The following PTPRO variants were observed in gnomAD, a reference collection of about 807,000 sequenced individuals.
PTPRO encodes receptor-type tyrosine-protein phosphatase O.
PTPRO carries 62 observed loss-of-function variants against 145.2 expected under a neutral mutation model. The ratio of observed to expected loss-of-function variants is 0.43; its 90% CI spans 0.35 to 0.53. The LOEUF (loss-of-function observed/expected upper bound fraction) is 0.53, where lower values mean the gene tolerates loss of function less well. Among genes scored for constraint, PTPRO ranks in the 20% least tolerant of loss-of-function variants. The pLI is 0.01. For synonymous variants in PTPRO, 565 were observed against 514.7 expected, an observed-to-expected ratio of 1.10 and a Z score of -1.32; for missense variants, 1,345 against 1,482.7, an observed-to-expected ratio of 0.91 and a Z score of 1.53.
At position 15,520,296 on chromosome 12, in the gene PTPRO, C is replaced by A; in HGVS notation, c.1875C>A (p.Thr625=). Residue 625 remains threonine (T), a synonymous_variant, in exon 10 of 27, where the codon ACC becomes ACA. Transcript: ENST00000281171. ...AATTGAGCTGCTGTGACAGCTCTACCATCAGCTTCATAACAGGTGAGGCAT... is the reference window on the plus strand; with the variant it reads ...AATTGAGCTGCTGTGACAGCTCTACAATCAGCTTCATAACAGGTGAGGCAT... The part of the protein sequence containing the change: ...DPELSCCDSS[T]ISFITAPVAP... The A allele has an allele frequency of 6.2e-7, 1 of 1,611,272 alleles. No individual in the cohort carries two copies. The highest frequency in any genetic ancestry group is 1.1e-5 in the South Asian group (1 of 90,998).
chr12:15,537,519 G>A lies in PTPRO; in HGVS notation c.2165-9050G>A, dbSNP rs146798952. Reference sequence around the variant, plus strand: ...AACCTGTGAACAAATCTGGTAAGATGAGGAATGAGAATTGACCACTGATCT... The same window carrying A: ...AACCTGTGAACAAATCTGGTAAGATAAGGAATGAGAATTGACCACTGATCT... On this transcript the variant is annotated intron_variant, in intron 12 of 26. Coordinates refer to ENST00000281171, the MANE Select transcript of PTPRO (RefSeq NM_030667.3). Among the ~76,000 whole-genome samples the A allele has an allele frequency of 2.0e-5, 3 of 152,282 alleles. No homozygotes were observed. The East Asian group carries it at 5.8e-4, about 29-fold the overall frequency.
At chr12:15,554,205 G>A (rs1354744199) in intron 15 of PTPRO, among the ~76,000 whole-genome samples, 1 of 152,050 alleles carries the variant, frequency 6.6e-6, no homozygotes, top group Non-Finnish European at 1.5e-5. Flanking sequence ...AAAGAGAGTT[G>A]AGGCTAACTC....
chr12:15,481,256 C>T (rs1340006293), intron 1 of PTPRO, among the ~76,000 whole-genome samples: 1 of 152,206 alleles, frequency 6.6e-6, no homozygotes, highest in Non-Finnish European at 1.5e-5. Flanking sequence ...CCCAGAAGTA[C>T]ATTGCTCAAT....
Position 15,520,240 on chromosome 12 carries a change from C to T in PTPRO, c.1819C>T (p.Arg607Trp), listed in dbSNP as rs751644240. ...NLLPAWYYNFRVTMVTWGDPE... is the reference protein window; with the variant it reads ...NLLPAWYYNFWVTMVTWGDPE... ...GCTGCCAGCATGGTACTACAACTTC[C>T]GGGTTACCATGGTGACGTGGGGAGA... Residue 607 changes from arginine (R) to tryptophan (W), a missense_variant, in exon 10 of 27, where the codon CGG becomes TGG. Transcript: ENST00000281171. 6 of 1,613,724 alleles carry T rather than the reference C, an allele frequency of 3.7e-6. No individual in the cohort carries two copies. Among genetic ancestry groups the T allele is most frequent in the African/African-American group, 1.3e-5 (1 of 74,892 alleles).
chr12:15,396,027 T>C lies in PTPRO; in HGVS notation c.75+73226T>C, dbSNP rs548654646. On this transcript the variant is annotated intron_variant, in intron 1 of 26. Transcript: ENST00000281171. ...ATGCATTTACCACTGTGAACACAGA[T>C]CACCAGTGTGCACAAGCATACATCT... 1.5e-4 allele frequency among the ~76,000 whole-genome samples: 23 copies of C among 152,356 alleles called. No individual in the cohort carries two copies. The South Asian group carries it at 4.8e-3, about 32-fold the overall frequency.
intron 1 of PTPRO, among the ~76,000 whole-genome samples, chr12:15,448,996 AAGTT>A (rs34799384): frequency 0.29 from 43,651 of 151,870 alleles, 6,797 homozygotes; most frequent in South Asian, 0.43. Context: ...ATAAAAGAAA[AAGTT>A]AGGCAGAATT....
Position 15,516,750 on chromosome 12 carries a change from C to T in PTPRO, c.1586-13C>T, listed in dbSNP as rs1199075535. The stretch of plus-strand genomic sequence containing the variant: ...TAACTTTCTTTTTCTACCCCCTGCC[C>T]TCTTCTTTCTAGTTCCCACAGGAAT... On this transcript the variant is annotated splice_polypyrimidine_tract_variant and intron_variant, in intron 8 of 26. Transcript: ENST00000281171. 5 of 1,590,634 alleles carry T rather than the reference C, an allele frequency of 3.1e-6. No homozygotes were observed. In the South Asian group the frequency reaches 3.3e-5, roughly 11 times the overall value.
intron 23 of PTPRO, among the ~76,000 whole-genome samples, chr12:15,582,463 G>C (rs903103217): frequency 6.6e-6 from 1 of 152,216 alleles, no homozygotes; most frequent in African/African-American, 2.4e-5. Context: ...CATTTCATCA[G>C]TGATGGTGTG....
At position 15,520,279 on chromosome 12, in the gene PTPRO, T is replaced by G; in HGVS notation, c.1858T>G (p.Cys620Gly). ...GACGTGGGGAGATCCAGAATTGAGC[T>G]GCTGTGACAGCTCTACCATCAGCTT... ...MVTWGDPELS[C>G]CDSSTISFIT... Residue 620 changes from cysteine to glycine, a missense_variant, in exon 10 of 27, where the codon TGC becomes GGC. By Grantham distance (159) the Cys-to-Gly change is radical. This residue lies in a region of PTPRO where 1,130 missense variants were observed against 1,214.7 expected (regional missense o/e 0.93). Transcript: ENST00000281171. 6.2e-7 allele frequency: 1 copy of G among 1,613,712 alleles called. No individual in the cohort carries two copies. Among genetic ancestry groups the G allele is most frequent in the South Asian group, 1.1e-5 (1 of 91,064 alleles).
intron 1 of PTPRO, among the ~76,000 whole-genome samples, chr12:15,420,163 A>C (rs1940102256): frequency 6.8e-6 from 1 of 147,264 alleles, no homozygotes; most frequent in African/African-American, 2.6e-5. Flanking sequence ...AAAAAAAAAA[A>C]AAAAAAAAGA....
At chr12:15,422,952 T>A (rs1014004934) in intron 1 of PTPRO, among the ~76,000 whole-genome samples, 2 of 152,214 alleles carry the variant, frequency 1.3e-5, no homozygotes, top group Admixed American at 1.3e-4. Context: ...TGTATTCCAT[T>A]GTACATCCTC....
intron 1 of PTPRO, among the ~76,000 whole-genome samples, chr12:15,481,126 GT>G (rs1379502119): frequency 3.9e-5 from 6 of 152,104 alleles, no homozygotes; most frequent in Non-Finnish European, 7.4e-5. Flanking sequence ...TTCTTTTTCT[GT>G]TTTCTTGTGT....
intron 1 of PTPRO, among the ~76,000 whole-genome samples, chr12:15,375,252 T>C (rs750249185): frequency 1.3e-5 from 2 of 152,172 alleles, no homozygotes; most frequent in Non-Finnish European, 2.9e-5. Flanking sequence ...ATTTGCAATG[T>C]CCAATTTTTA....
intron 1 of PTPRO, among the ~76,000 whole-genome samples, chr12:15,345,436 G>C (rs1266995453): frequency 6.6e-6 from 1 of 152,088 alleles, no homozygotes; most frequent in East Asian, 1.9e-4. Context: ...CCATAAAAAA[G>C]GATGAATTCA....
intron 12 of PTPRO, among the ~76,000 whole-genome samples, chr12:15,527,615 C>T (rs151315266): frequency 3.3e-5 from 5 of 152,350 alleles, no homozygotes; most frequent in Non-Finnish European, 7.4e-5. Context: ...CCCCAGCTAA[C>T]TTTGACACAC....
intron 4 of PTPRO, 23 bp downstream of exon 4, chr12:15,499,617 T>C: frequency 3.1e-6 from 5 of 1,603,750 alleles, no homozygotes; most frequent in Non-Finnish European, 4.3e-6. Context: ...AAGAATCAAA[T>C]ACAGTGAAAA....
At chr12:15,528,531 A>T (rs982204739) in intron 12 of PTPRO, among the ~76,000 whole-genome samples, 5 of 151,706 alleles carry the variant, frequency 3.3e-5, no homozygotes, top group African/African-American at 1.2e-4. Flanking sequence ...TCAAAAAAAA[A>T]AAAGGTATTA....
chr12:15,583,285 T>G (rs966172748), intron 23 of PTPRO, among the ~76,000 whole-genome samples: 3 of 152,100 alleles, frequency 2.0e-5, no homozygotes, highest in African/African-American at 7.2e-5. Flanking sequence ...ATTTCAAGAT[T>G]GCCTGAGCAA....
At chr12:15,463,672 G>C (rs1051879791) in intron 1 of PTPRO, among the ~76,000 whole-genome samples, 2 of 151,972 alleles carry the variant, frequency 1.3e-5, no homozygotes, top group African/African-American at 4.8e-5. Context: ...TTGTCTCCTA[G>C]CTATTCTTTG....
Sources: gnomAD v4.1 joint callset for allele counts (sites outside exome capture counted in the v4.1 genomes callset) on GRCh38, gnomAD v4.1.1 for gene constraint, gnomAD v4.1.1 regional missense constraint, MANE v1.5 for transcripts, NCBI Gene and HGNC (gene_info 2026-07-23, HGNC 2026-07-21) for gene names.